DIAPH2: variants seen among roughly 807,000 people sequenced by gnomAD.
DIAPH2 encodes protein diaphanous homolog 2.
Under a neutral mutation model 92.7 loss-of-function variants are expected in DIAPH2, and 35 were observed. The observed-to-expected ratio is 0.38, with a 90% CI of 0.29 to 0.50. The LOEUF is 0.50. Among genes scored for constraint, DIAPH2 ranks in the 20% least tolerant of loss-of-function variants. The probability of loss-of-function intolerance (pLI) is 0.94; values close to 1 mark genes in which losing one functional copy is unlikely to be tolerated. For missense variants in DIAPH2, 701 were observed against 819.5 expected (o/e 0.86, Z 1.77); for synonymous variants, 301 against 280.4 (o/e 1.07, Z -0.73).
At chrX:97,055,096 A>AT (rs374701146) in intron 17 of DIAPH2, among the ~76,000 whole-genome samples, 184 of 97,022 alleles carry the variant, frequency 1.9e-3, no homozygotes, top group African/African-American at 5.4e-3. Flanking sequence ...GGCTAGTTTA[A>AT]TTTTTTTTTT....
At chrX:97,462,517 A>T (rs1320977002) in intron 26 of DIAPH2, among the ~76,000 whole-genome samples, 1 of 112,315 alleles carries the variant, frequency 8.9e-6, no homozygotes, top group Non-Finnish European at 1.9e-5. Context: ...GTTTGTGCTC[A>T]GGTTGCTGTT....
At chrX:97,586,315 A>G (rs2071479474) in intron 26 of DIAPH2, among the ~76,000 whole-genome samples, 1 of 110,356 alleles carries the variant, frequency 9.1e-6, no homozygotes, top group South Asian at 3.8e-4. Context: ...TCTCCCAAAC[A>G]TATAGGCTGG....
At position 96,954,500 on chromosome X, in the gene DIAPH2, C is replaced by T. The variant is rs183257804; in HGVS notation, c.1615-3328C>T. On this transcript the variant is annotated intron_variant, in intron 15 of 26. Transcript: ENST00000324765. ...CTTTCTGATAGAAATGTTATATCCT[C>T]CTCATAATCCTATCTATTTGAATTA... 1.3e-4 allele frequency among the ~76,000 whole-genome samples: 14 copies of T among 111,996 alleles called. No homozygotes were observed. The East Asian group carries it at 3.6e-3, about 29-fold the overall frequency.
At chrX:97,253,610 C>T (rs1404104220) in intron 23 of DIAPH2, among the ~76,000 whole-genome samples, 2 of 109,765 alleles carry the variant, frequency 1.8e-5, no homozygotes, top group African/African-American at 6.6e-5. Flanking sequence ...ATTAGCCAGG[C>T]ATGGTGGTGC....
chrX:97,299,180 A>C (rs5920900), intron 23 of DIAPH2, among the ~76,000 whole-genome samples: 2,647 of 112,130 alleles, frequency 0.024, 28 homozygotes, highest in Middle Eastern at 0.041. Context: ...AAATGAAACA[A>C]AGACATAAAG....
chrX:96,885,843 G>A (rs2065258508), intron 5 of DIAPH2, among the ~76,000 whole-genome samples: 1 of 111,448 alleles, frequency 9.0e-6, no homozygotes, highest in African/African-American at 3.3e-5. Flanking sequence ...CTGTAAGTTT[G>A]ATGTGCTGGT....
At chrX:97,036,724 G>C (rs140711883) in intron 17 of DIAPH2, among the ~76,000 whole-genome samples, 1 of 111,850 alleles carries the variant, frequency 8.9e-6, no homozygotes, top group Admixed American at 9.5e-5. Flanking sequence ...CATTATCAGG[G>C]CACCTTTTGA....
At chrX:97,219,910 A>G (rs960830074) in intron 22 of DIAPH2, among the ~76,000 whole-genome samples, 1 of 112,207 alleles carries the variant, frequency 8.9e-6, no homozygotes, top group Non-Finnish European at 1.9e-5. Context: ...ATTATAGACC[A>G]CTTAGAAGAT....
chrX:97,495,136 A>T (rs747022215), intron 26 of DIAPH2, among the ~76,000 whole-genome samples: 34 of 112,148 alleles, frequency 3.0e-4, no homozygotes, highest in Admixed American at 2.1e-3. Context: ...CTGAGCTGTG[A>T]TGGCTTGGGG....
intron 25 of DIAPH2, among the ~76,000 whole-genome samples, chrX:97,420,894 C>T (rs1232735954): frequency 1.8e-5 from 2 of 112,005 alleles, no homozygotes; most frequent in Admixed American, 9.5e-5. Flanking sequence ...TCTATTTATG[C>T]CCTCTTCTAA....
intron 23 of DIAPH2, among the ~76,000 whole-genome samples, chrX:97,291,047 A>T (rs1465119318): frequency 9.1e-6 from 1 of 109,553 alleles, no homozygotes; most frequent in South Asian, 4.0e-4. Flanking sequence ...AGCCAAGACC[A>T]TGCCACTGAC....
At chrX:97,016,871 G>A (rs1329114768) in intron 17 of DIAPH2, among the ~76,000 whole-genome samples, 2 of 112,422 alleles carry the variant, frequency 1.8e-5, no homozygotes, top group Non-Finnish European at 3.8e-5. Context: ...AGTCTTCATG[G>A]TTGTGTGATA....
chrX:97,230,752 G>C (rs997007403), intron 22 of DIAPH2, among the ~76,000 whole-genome samples: 4 of 111,838 alleles, frequency 3.6e-5, no homozygotes, highest in African/African-American at 1.3e-4. Flanking sequence ...TCACCATGTT[G>C]ATCAGGCTGG....
At chrX:97,435,013 G>A (rs2147781118) in intron 26 of DIAPH2, among the ~76,000 whole-genome samples, 1 of 111,545 alleles carries the variant, frequency 9.0e-6, no homozygotes, top group Non-Finnish European at 1.9e-5. Flanking sequence ...AATTGGGCAG[G>A]TAGGAGAATC....
At chrX:97,091,358 G>T (rs762687222) in intron 19 of DIAPH2, among the ~76,000 whole-genome samples, 1 of 110,704 alleles carries the variant, frequency 9.0e-6, no homozygotes, top group Non-Finnish European at 1.9e-5. Context: ...ATCCTACGTC[G>T]CTGCAGCATC....
intron 23 of DIAPH2, among the ~76,000 whole-genome samples, chrX:97,298,609 C>CT (rs2068666413): frequency 1.0e-5 from 1 of 96,919 alleles, no homozygotes; most frequent in African/African-American, 4.2e-5. Flanking sequence ...GACTCTTAGT[C>CT]CTTTTTTTTT....
Position 97,297,286 on chromosome X carries a change from G to A in DIAPH2, c.2844+49447G>A, listed in dbSNP as rs1019320488. The stretch of plus-strand genomic sequence containing the variant: ...TTCTTAAAGAGCATATCCAAATGGA[G>A]ACCTTCATTTAGCAGCTTATAACAA... On this transcript the variant is annotated intron_variant, in intron 23 of 26. Transcript: ENST00000324765. 2.8e-5 allele frequency among the ~76,000 whole-genome samples: 3 copies of A among 108,919 alleles called. No homozygotes were observed. The Admixed American group carries it at 3.0e-4, about 11-fold the overall frequency. The allele number at this position is 108,919 out of a possible 115,157, so 94.6% of individuals were successfully genotyped here.
At chrX:96,923,650 C>T (rs1347148869) in intron 9 of DIAPH2, among the ~76,000 whole-genome samples, 2 of 111,246 alleles carry the variant, frequency 1.8e-5, no homozygotes, top group Non-Finnish European at 3.8e-5. Flanking sequence ...ATTCCAGAAT[C>T]GTACACTGGA....
intron 25 of DIAPH2, among the ~76,000 whole-genome samples, chrX:97,400,613 C>A (rs1178122935): frequency 1.8e-5 from 2 of 111,514 alleles, no homozygotes; most frequent in Non-Finnish European, 3.8e-5. Context: ...GCTGTACAAT[C>A]AGTCTCCAGA....
Sources: gnomAD v4.1 joint callset for allele counts (sites outside exome capture counted in the v4.1 genomes callset) on GRCh38, gnomAD v4.1.1 for gene constraint, MANE v1.5 for transcripts, NCBI Gene and HGNC (gene_info 2026-07-23, HGNC 2026-07-21) for gene names.